NSD2: variants seen among roughly 807,000 people sequenced by gnomAD.
The protein encoded by NSD2 is histone-lysine N-methyltransferase NSD2.
A neutral mutation model predicts 139.0 loss-of-function variants in NSD2; 12 were observed. The ratio of observed to expected loss-of-function variants is 0.09; its 90% CI spans 0.06 to 0.14. NSD2 has a LOEUF of 0.14. NSD2 is among the 10% of genes least tolerant of loss of function. The pLI is 1.00. For synonymous variants in NSD2, 669 were observed against 648.7 expected, an observed-to-expected ratio of 1.03 and a Z score of -0.48; for missense variants, 1,155 against 1,745.0, an observed-to-expected ratio of 0.66 and a Z score of 6.02.
chr4:1,879,823 CTTGT>C (rs1560546054), intron 1 of NSD2, among the ~76,000 whole-genome samples: 1 of 140,242 alleles, frequency 7.1e-6, no homozygotes, highest in African/African-American at 3.0e-5. Context: ...GCCCATGGCA[CTTGT>C]GTGTGTGTGT....
At position 1,963,238 on chromosome 4, in the gene NSD2, G is replaced by A. The variant is rs1283888056; in HGVS notation, c.3372+2087G>A. 8.5e-5 allele frequency among the ~76,000 whole-genome samples: 13 copies of A among 152,294 alleles called. No homozygotes were observed. In the South Asian group the frequency reaches 2.5e-3, roughly 29 times the overall value. ...GGGCGAGAGTGGGTTTGTACACAGC[G>A]CCTCTAGGACCATGGCGTGTAGAGC... is the stretch of plus-strand genomic sequence containing the variant. On this transcript the variant is annotated intron_variant, in intron 18 of 21. Coordinates refer to ENST00000508803, the MANE Select transcript of NSD2 (RefSeq NM_001042424.3).
In NSD2 at chr4:1,890,276, A is replaced by G. The variant is rs933222671; in HGVS notation, c.-29-10350A>G. Among the ~76,000 whole-genome samples, 220 of 151,926 alleles carry G rather than the reference A, an allele frequency of 1.4e-3. 1 individual carries two copies. The highest frequency in any genetic ancestry group is 4.6e-4 in the Non-Finnish European group (31 of 67,958). On this transcript the variant is annotated intron_variant, in intron 1 of 21. Coordinates refer to ENST00000508803, the MANE Select transcript of NSD2 (RefSeq NM_001042424.3). ...ATAATGCTGCTGTGAACATTCTTGTACAAGTTTTTTTTGTTTTGTTTTGTT... is the reference window on the plus strand; with the variant it reads ...ATAATGCTGCTGTGAACATTCTTGTGCAAGTTTTTTTTGTTTTGTTTTGTT...
chr4:1,977,637 G>A (rs1183317731), intron 21 of NSD2, among the ~76,000 whole-genome samples: 1 of 151,960 alleles, frequency 6.6e-6, no homozygotes, highest in East Asian at 1.9e-4. Flanking sequence ...TTAGACTGGT[G>A]TGGTGGCATG....
intron 12 of NSD2, among the ~76,000 whole-genome samples, chr4:1,953,945 G>C (rs1220460981): frequency 2.0e-5 from 3 of 151,534 alleles, no homozygotes; most frequent in East Asian, 1.9e-4. Context: ...TGAGTAGCTG[G>C]AACTACAGGC....
intron 6 of NSD2, among the ~76,000 whole-genome samples, chr4:1,932,271 T>C (rs1721731399): frequency 6.6e-6 from 1 of 151,734 alleles, no homozygotes; most frequent in African/African-American, 2.4e-5. Flanking sequence ...ACCCCATCTC[T>C]ACTAAAAATA....
chr4:1,933,907 C>T (rs1018136924), intron 6 of NSD2, among the ~76,000 whole-genome samples: 1 of 152,102 alleles, frequency 6.6e-6, no homozygotes, highest in Admixed American at 6.5e-5. Context: ...CTGGGAACAC[C>T]TAACACATGG....
In NSD2 at chr4:1,942,710, A is replaced by T. The variant is rs890891026; in HGVS notation, c.1881+2932A>T. On this transcript the variant is annotated intron_variant, in intron 9 of 21. Coordinates refer to ENST00000508803, the MANE Select transcript of NSD2 (RefSeq NM_001042424.3). The surrounding 1 kb of genome is among the most constrained non-coding windows in gnomAD (Gnocchi z 4.0). ...GTCCAGAGCTGCAGCAGGGCTTTGC[A>T]CGGAAGGGGTGGCCCTGTTAGAGTT... is the stretch of plus-strand genomic sequence containing the variant. 5.4e-6 allele frequency: 6 copies of T among 1,102,546 alleles called. No homozygotes were observed. In the African/African-American group the frequency reaches 9.7e-5, roughly 18 times the overall value. 68.3% of individuals were successfully genotyped at this position (1,102,546 alleles called of 1,614,324 possible).
chr4:1,926,018 G>A (rs1720863773), intron 5 of NSD2, among the ~76,000 whole-genome samples: 1 of 151,590 alleles, frequency 6.6e-6, no homozygotes, highest in African/African-American at 2.4e-5. Context: ...GCCCAATCTG[G>A]ACTCAAACTC....
At chr4:1,943,331 AT>A (rs952551963) in intron 9 of NSD2, 1 of 1,043,696 alleles carries the variant, frequency 9.6e-7, no homozygotes, top group Non-Finnish European at 1.2e-6. Flanking sequence ...GTTGTAAACC[AT>A]TAAGTAATGT....
At chr4:1,941,102 A>G (rs749989515) in intron 9 of NSD2, 18 of 1,055,446 alleles carry the variant, frequency 1.7e-5, no homozygotes, top group Non-Finnish European at 2.1e-5. Flanking sequence ...TTACTGAAAT[A>G]TGAAAAGGCA....
intron 9 of NSD2, chr4:1,943,493 C>T: frequency 9.6e-7 from 1 of 1,046,586 alleles, no homozygotes; most frequent in Non-Finnish European, 1.2e-6. Context: ...AAAAGTGGTC[C>T]TCTTGACTGC....
intron 18 of NSD2, among the ~76,000 whole-genome samples, chr4:1,963,816 C>G (rs1725603584): frequency 6.6e-6 from 1 of 152,166 alleles, no homozygotes; most frequent in Non-Finnish European, 1.5e-5. Flanking sequence ...GAGTTTGAGA[C>G]CAGCCTGGGT....
rs907464661 is a variant in NSD2 at position 1,956,255 on chromosome 4, T to G, written c.2881+67T>G. 19 of 1,392,034 alleles carry G rather than the reference T, an allele frequency of 1.4e-5. No individual in the cohort carries two copies. The highest frequency in any genetic ancestry group is 1.8e-5 in the Non-Finnish European group (19 of 1,037,042). 86.2% of individuals were successfully genotyped at this position (1,392,034 alleles called of 1,614,324 possible). A position where few individuals can be genotyped will look rare whatever the true frequency, so the allele number is the denominator to read the frequency against. On this transcript the variant is annotated intron_variant, in intron 15 of 21. Transcript: ENST00000508803. This position sits in a 1 kb window ranked among gnomAD's most constrained non-coding sequence, Gnocchi z 5.3. ...GCATTTTCTTACCCCTAATTTCTATTTTTTAAAATTTGATCTTTATAGAAA... is the reference window on the plus strand; with the variant it reads ...GCATTTTCTTACCCCTAATTTCTATGTTTTAAAATTTGATCTTTATAGAAA...
chr4:1,893,618 CT>C (rs1198129542), intron 1 of NSD2: 1 of 135,614 alleles, frequency 7.4e-6, no homozygotes, highest in Non-Finnish European at 1.5e-5. Flanking sequence ...GTGGTGCTTT[CT>C]TGGCTCTCTG....
chr4:1,929,681 ATAT>A (rs1015693498), intron 5 of NSD2, among the ~76,000 whole-genome samples: 7 of 152,160 alleles, frequency 4.6e-5, no homozygotes, highest in African/African-American at 1.4e-4. Context: ...GTGTCATGAA[ATAT>A]TATGATGTTT....
At chr4:1,938,593 T>TGGGGGGGGGGGGGGGG in intron 8 of NSD2, 61 bp downstream of exon 8, 1 of 515,360 alleles carries the variant, frequency 1.9e-6, no homozygotes, top group Non-Finnish European at 3.7e-6. Flanking sequence ...GCTGGGTGGG[T>TGGGGGGGGGGGGGGGG]GGGCTGAGAG....
Position 1,958,133 on chromosome 4 carries a change from A to G in NSD2, c.2985+97A>G. The G allele has an allele frequency of 4.0e-6, 5 of 1,234,748 alleles. No individual in the cohort carries two copies. The highest frequency in any genetic ancestry group is 5.8e-6 in the Non-Finnish European group (5 of 866,216). The allele number at this position is 1,234,748 out of a possible 1,614,324, so 76.5% of individuals were successfully genotyped here. On this transcript the variant is annotated intron_variant, in intron 16 of 21. Transcript: ENST00000508803. This position sits in a 1 kb window ranked among gnomAD's most constrained non-coding sequence, Gnocchi z 4.6. ...CACCCAGGCTATGGCTGGGGAGAGG[A>G]CTGTCACCAGCCAGGATCTGTGGTG...
chr4:1,925,881 A>G (rs750753436), intron 5 of NSD2, among the ~76,000 whole-genome samples: 129 of 151,998 alleles, frequency 8.5e-4, no homozygotes, highest in Non-Finnish European at 1.4e-3. Context: ...GGCTTGCCAC[A>G]GCCTTGACCT....
chr4:1,959,013 T>A (rs1725105913), intron 16 of NSD2, among the ~76,000 whole-genome samples: 1 of 152,218 alleles, frequency 6.6e-6, no homozygotes, highest in African/African-American at 2.4e-5. Flanking sequence ...TGCCTAGCAC[T>A]GCTCCTCCTG....
Sources: gnomAD v4.1 joint callset for allele counts (sites outside exome capture counted in the v4.1 genomes callset) on GRCh38, gnomAD v4.1.1 for gene constraint, Gnocchi (gnomAD v3.1) non-coding constraint, MANE v1.5 for transcripts, NCBI Gene and HGNC (gene_info 2026-07-23, HGNC 2026-07-21) for gene names.